The following ARHGAP29 variants were observed in gnomAD, a reference collection of about 807,000 sequenced individuals.
The protein encoded by ARHGAP29 is rho GTPase-activating protein 29.
Under a neutral mutation model 122.6 loss-of-function variants are expected in ARHGAP29, and 43 were observed. That is an observed-to-expected ratio of 0.35 (90% CI 0.27 to 0.45). The LOEUF is 0.45. Among genes scored for constraint, ARHGAP29 ranks in the 20% least tolerant of loss-of-function variants. ARHGAP29 has a pLI of 1.00. For missense variants in ARHGAP29, 1,303 were observed against 1,477.2 expected (o/e 0.88, Z 1.93); for synonymous variants, 506 against 497.1 (o/e 1.02, Z -0.24).
chr1:94,277,557 A>G (rs763337285), upstream of ARHGAP29, among the ~76,000 whole-genome samples: 1 of 152,192 alleles, frequency 6.6e-6, no homozygotes, highest in Non-Finnish European at 1.5e-5. Context: ...GAAAGTACCA[A>G]TTATTTTGTA....
chr1:94,241,989 A>G (rs1259321353), upstream of ARHGAP29, among the ~76,000 whole-genome samples: 1 of 151,892 alleles, frequency 6.6e-6, no homozygotes, highest in African/African-American at 2.4e-5. Context: ...AGAGACAGAG[A>G]TCATGGTTCC....
intron 1 of ARHGAP29, among the ~76,000 whole-genome samples, chr1:94,256,433 G>A (rs532090565): frequency 6.7e-6 from 1 of 149,676 alleles, no homozygotes; most frequent in East Asian, 2.0e-4. Flanking sequence ...TACTGAACTT[G>A]GGTCAGAATT....
Position 94,205,218 on chromosome 1 carries a change from G to A in ARHGAP29, c.560-20C>T. ...AATTTCCTGAAAACAAAAATATCAA[G>A]GTAAGTATATGTTAAATGTGATCAC... is the stretch of plus-strand genomic sequence containing the variant. On this transcript the variant is annotated intron_variant, in intron 6 of 22. Coordinates refer to ENST00000260526, the MANE Select transcript of ARHGAP29 (RefSeq NM_004815.4). 2 of 1,557,438 alleles carry A rather than the reference G, an allele frequency of 1.3e-6. No individual in the cohort carries two copies. Among genetic ancestry groups the A allele is most frequent in the South Asian group, 2.4e-5 (2 of 81,978 alleles).
the ARHGAP29 span, among the ~76,000 whole-genome samples, chr1:94,288,691 G>C: frequency 6.6e-6 from 1 of 152,270 alleles, no homozygotes; most frequent in East Asian, 1.9e-4. Context: ...GTAAGGAAGG[G>C]ATCCAGTTTC....
At chr1:94,184,422 T>C (rs2101391058) in intron 18 of ARHGAP29, 134 bp from the exon 19 acceptor site, 2 of 729,536 alleles carry the variant, frequency 2.7e-6, no homozygotes, top group East Asian at 3.0e-5. Flanking sequence ...AAAAAAACTA[T>C]TCAAGGCCAA....
chr1:94,276,993 T>C (rs1655215215), upstream of ARHGAP29, among the ~76,000 whole-genome samples: 1 of 152,138 alleles, frequency 6.6e-6, no homozygotes, highest in African/African-American at 2.4e-5. Context: ...CTATCCAGCC[T>C]GTGGGTGTAA....
the ARHGAP29 span, chr1:94,302,753 G>T: frequency 2.9e-6 from 1 of 340,574 alleles, no homozygotes; most frequent in South Asian, 2.4e-5. Flanking sequence ...TCATGGACCT[G>T]ACCTGCTCTC....
rs956153813 is a variant in ARHGAP29 at position 94,220,173 on chromosome 1, T to G, written c.340+85A>C. The G allele has an allele frequency of 3.5e-6, 5 of 1,415,828 alleles. No individual in the cohort carries two copies. The African/African-American group carries it at 5.7e-5, about 16-fold the overall frequency. 87.7% of individuals were successfully genotyped at this position (1,415,828 alleles called of 1,614,324 possible). A position where few individuals can be genotyped will look rare whatever the true frequency, so the allele number is the denominator to read the frequency against. ...CATCACACAAATGCAATGAGAGGAATTGGCTATATATTCACTATAGACCAA... is the reference window on the plus strand; with the variant it reads ...CATCACACAAATGCAATGAGAGGAAGTGGCTATATATTCACTATAGACCAA... On this transcript the variant is annotated intron_variant, in intron 3 of 22. Coordinates refer to ENST00000260526, the MANE Select transcript of ARHGAP29 (RefSeq NM_004815.4).
chr1:94,276,088 C>G (rs991057199), upstream of ARHGAP29, among the ~76,000 whole-genome samples: 1 of 151,928 alleles, frequency 6.6e-6, no homozygotes, highest in Non-Finnish European at 1.5e-5. Context: ...CAAAACCCAT[C>G]TCTACTAAAA....
intron 1 of ARHGAP29, among the ~76,000 whole-genome samples, chr1:94,273,280 C>G (rs544167462): frequency 1.3e-5 from 2 of 152,322 alleles, no homozygotes; most frequent in African/African-American, 4.8e-5. Flanking sequence ...TCAGAACGCT[C>G]TCCTCCTTTG....
At chr1:94,187,091 C>A (rs190564165) in intron 15 of ARHGAP29, among the ~76,000 whole-genome samples, 37 of 152,266 alleles carry the variant, frequency 2.4e-4, no homozygotes, top group Middle Eastern at 3.4e-3. Flanking sequence ...GGCAAGACTG[C>A]CGACTGGGAA....
At chr1:94,256,645 G>A (rs1375212914) in intron 1 of ARHGAP29, among the ~76,000 whole-genome samples, 1 of 126,712 alleles carries the variant, frequency 7.9e-6, no homozygotes, top group Non-Finnish European at 1.6e-5. Flanking sequence ...TGCAAGCTCC[G>A]CCTCCCAGGT....
At chr1:94,177,311 T>C in intron 22 of ARHGAP29, 1 of 244,658 alleles carries the variant, frequency 4.1e-6, no homozygotes, top group Non-Finnish European at 7.9e-6. Flanking sequence ...GCTCAACACA[T>C]TTCTACCTTG....
chr1:94,204,046 CT>C, intron 7 of ARHGAP29, 52 bp from the exon 8 acceptor site: 1 of 1,419,994 alleles, frequency 7.0e-7, no homozygotes. Flanking sequence ...ATTTTTCCCC[CT>C]GTATACTCTA....
the ARHGAP29 span, among the ~76,000 whole-genome samples, chr1:94,285,317 T>C: frequency 2.0e-5 from 3 of 151,886 alleles, no homozygotes; most frequent in African/African-American, 7.3e-5. Context: ...TTGAGTGCTA[T>C]GTTCACTCCT....
intron 19 of ARHGAP29, among the ~76,000 whole-genome samples, chr1:94,181,029 T>A (rs377433792): frequency 3.3e-5 from 5 of 152,202 alleles, no homozygotes; most frequent in African/African-American, 1.2e-4. Context: ...CCAACAATTA[T>A]ACCCAATTTC....
rs922709829 is a variant in ARHGAP29 at position 94,171,325 on chromosome 1, T to C, written c.*2544A>G. ...GTACACTAAAAGTAATTTAACATAC[T>C]GTACTCATAAATTCTAACTAAGTTC... On this transcript the variant is annotated 3_prime_UTR_variant, in exon 23 of 23. Coordinates refer to ENST00000260526, the MANE Select transcript of ARHGAP29 (RefSeq NM_004815.4). 1.3e-5 allele frequency among the ~76,000 whole-genome samples: 2 copies of C among 152,214 alleles called. No individual in the cohort carries two copies. Among genetic ancestry groups the C allele is most frequent in the African/African-American group, 4.8e-5 (2 of 41,450 alleles).
At chr1:94,237,211 C>T (rs1432527439) in intron 1 of ARHGAP29, among the ~76,000 whole-genome samples, 1 of 152,184 alleles carries the variant, frequency 6.6e-6, no homozygotes, top group Non-Finnish European at 1.5e-5. Context: ...GGGCGCGCCC[C>T]TAGCCCCGGC....
the ARHGAP29 span, among the ~76,000 whole-genome samples, chr1:94,291,832 G>A: frequency 6.0e-4 from 91 of 152,302 alleles, no homozygotes; most frequent in Admixed American, 7.2e-4. Context: ...CTGTTAGTCT[G>A]ATGGGCTTCC....
Sources: allele counts gnomAD v4.1 joint callset (sites outside exome capture counted in the v4.1 genomes callset), GRCh38; gene constraint gnomAD v4.1.1; transcripts MANE v1.5; gene names NCBI Gene and HGNC (gene_info 2026-07-23, HGNC 2026-07-21).